The following MACO1 variants were observed in gnomAD, a reference collection of about 807,000 sequenced individuals.
The protein encoded by MACO1 is macoilin.
Under a neutral mutation model 78.7 loss-of-function variants are expected in MACO1, and 14 were observed. The ratio of observed to expected loss-of-function variants is 0.18; its 90% CI spans 0.12 to 0.28. The LOEUF is 0.28. MACO1 is among the 10% of genes least tolerant of loss of function. The probability of loss-of-function intolerance (pLI) is 1.00; values close to 1 mark genes in which losing one functional copy is unlikely to be tolerated. For missense variants in MACO1, 501 were observed against 799.0 expected (o/e 0.63, Z 4.50); for synonymous variants, 288 against 291.6 (o/e 0.99, Z 0.12).
chr1:25,450,005 C>T (rs755456885), intron 3 of MACO1, among the ~76,000 whole-genome samples: 10 of 152,088 alleles, frequency 6.6e-5, no homozygotes, highest in Admixed American at 2.0e-4. Context: ...GGTGACAGAG[C>T]GAGACTCCAT....
At position 25,481,178 on chromosome 1, in the gene MACO1, C is replaced by T. The variant is rs562424400; in HGVS notation, c.1155-2938C>T. On this transcript the variant is annotated intron_variant, in intron 6 of 10. Transcript: ENST00000374343. ...AACTACAAAATTCTCACAATCTAGC[C>T]TCTACAGATTTAATTTTTCTTTCAT... Among the ~76,000 whole-genome samples the T allele has an allele frequency of 6.1e-4, 93 of 151,982 alleles. 1 individual carries two copies. In the South Asian group the frequency reaches 0.018, roughly 29 times the overall value.
In MACO1 at chr1:25,485,507, A is replaced by G; in HGVS notation, c.1314-106A>G. ...CATTGACATTTTTGATTTGCTGTTC[A>G]AACCTCCTGTTTAATTGGCCTTAAG... On this transcript the variant is annotated intron_variant, in intron 7 of 10. Transcript: ENST00000374343. This position sits in a 1 kb window ranked among gnomAD's most constrained non-coding sequence, Gnocchi z 4.3. The G allele has an allele frequency of 8.3e-7, 1 of 1,205,294 alleles. No individual in the cohort carries two copies. Among genetic ancestry groups the G allele is most frequent in the Non-Finnish European group, 1.2e-6 (1 of 868,410 alleles). The allele number at this position is 1,205,294 out of a possible 1,614,324, so 74.7% of individuals were successfully genotyped here. A position where few individuals can be genotyped will look rare whatever the true frequency, so the allele number is the denominator to read the frequency against.
At chr1:25,462,942 C>T (rs2043184630) in intron 6 of MACO1, among the ~76,000 whole-genome samples, 1 of 152,192 alleles carries the variant, frequency 6.6e-6, no homozygotes, top group Non-Finnish European at 1.5e-5. Flanking sequence ...GGAACACAGC[C>T]ACTCTCATTC....
At chr1:25,468,871 C>T (rs1362316036) in intron 6 of MACO1, among the ~76,000 whole-genome samples, 2 of 152,182 alleles carry the variant, frequency 1.3e-5, no homozygotes, top group East Asian at 1.9e-4. Flanking sequence ...TTTTTGGAGA[C>T]GGAGTCTCAC....
intron 10 of MACO1, among the ~76,000 whole-genome samples, chr1:25,497,319 G>T (rs1390051685): frequency 6.6e-6 from 1 of 151,044 alleles, no homozygotes; most frequent in Non-Finnish European, 1.5e-5. Context: ...GGCAGAGGTT[G>T]CAGTGAGCCG....
At chr1:25,483,914 C>T (rs1025435829) in intron 6 of MACO1, among the ~76,000 whole-genome samples, 1 of 152,128 alleles carries the variant, frequency 6.6e-6, no homozygotes, top group Non-Finnish European at 1.5e-5. Context: ...AAGTTACACC[C>T]CAGTAGGAAG....
chr1:25,464,000 C>T (rs2043193769), intron 6 of MACO1, among the ~76,000 whole-genome samples: 1 of 150,178 alleles, frequency 6.7e-6, no homozygotes, highest in Non-Finnish European at 1.5e-5. Flanking sequence ...CCTCCATTGA[C>T]ACATCATTAT....
chr1:25,437,627 G>C (rs2042931267), intron 1 of MACO1, among the ~76,000 whole-genome samples: 1 of 152,156 alleles, frequency 6.6e-6, no homozygotes, highest in Non-Finnish European at 1.5e-5. Flanking sequence ...GTCTTGCTCA[G>C]ATGTAATAAG....
rs542088110 is a variant in MACO1, at chr1:25,436,138, A to C, written c.80+4960A>C. 2.6e-5 allele frequency among the ~76,000 whole-genome samples: 4 copies of C among 152,260 alleles called. No homozygotes were observed. In the South Asian group the frequency reaches 6.2e-4, roughly 24 times the overall value. ...TCACTAGATTTAGAGATTGATCTTA[A>C]TGGTAGGTTTAACAAATAATTATTT... is the stretch of plus-strand genomic sequence containing the variant. On this transcript the variant is annotated intron_variant, in intron 1 of 10. Transcript: ENST00000374343.
rs1056877353 is a variant in MACO1, at chr1:25,431,082, G to A, written c.-17G>A. ...GACGGCGGCGGCGGCGCGGGCACCC[G>A]GCCCCCCAGCGGGAGGATGAAGCGG... is the stretch of plus-strand genomic sequence containing the variant. On this transcript the variant is annotated 5_prime_UTR_variant, in exon 1 of 11. Transcript: ENST00000374343. 10 of 1,572,076 alleles carry A rather than the reference G, an allele frequency of 6.4e-6. No individual in the cohort carries two copies. The highest frequency in any genetic ancestry group is 7.7e-6 in the Non-Finnish European group (9 of 1,162,324).
chr1:25,469,733 T>G (rs2043250993), intron 6 of MACO1, among the ~76,000 whole-genome samples: 1 of 149,448 alleles, frequency 6.7e-6, no homozygotes, highest in South Asian at 2.1e-4. Flanking sequence ...GTCTTCTGGG[T>G]TCAAGTGATT....
At chr1:25,460,515 C>A (rs546065061) in intron 6 of MACO1, among the ~76,000 whole-genome samples, 2 of 152,150 alleles carry the variant, frequency 1.3e-5, no homozygotes, top group South Asian at 4.2e-4. Flanking sequence ...GGTTTTCCTC[C>A]CACCTCATCC....
At position 25,485,654 on chromosome 1, in the gene MACO1, A is replaced by T; in HGVS notation, c.1355A>T (p.Asn452Ile). ...CAAATGAAGCAAAAAGACAAGCAGA[A>T]TATCAGCCAGTTGGAGAAAAAGCTA... ...AVQMKQKDKQNISQLEKKLKA... is the reference protein window; with the variant it reads ...AVQMKQKDKQIISQLEKKLKA... The change falls in exon 8 of 11, where the codon AAT becomes ATT. Residue 452 changes from asparagine to isoleucine, a missense_variant. Transcript: ENST00000374343. This position sits in a 1 kb window ranked among gnomAD's most constrained non-coding sequence, Gnocchi z 4.3. 6.2e-7 allele frequency: 1 copy of T among 1,614,220 alleles called. No homozygotes were observed. Among genetic ancestry groups the T allele is most frequent in the South Asian group, 1.1e-5 (1 of 91,082 alleles).
At chr1:25,464,338 C>CTTTTTTTTTTTT (rs71014363) in intron 6 of MACO1, among the ~76,000 whole-genome samples, 6 of 80,974 alleles carry the variant, frequency 7.4e-5, no homozygotes, top group Admixed American at 3.5e-4. Context: ...TTTTTCTTCT[C>CTTTTTTTTTTTT]TTTTTTTTTT....
Position 25,430,957 on chromosome 1 carries a change from C to T in MACO1, c.-142C>T, listed in dbSNP as rs969976982. Reference sequence around the variant, plus strand: ...GAGCCCCCCCTCCCCGTGCTACCCCCTCCCCCCGGGTGCTGGCTCCATGTC... The same window carrying T: ...GAGCCCCCCCTCCCCGTGCTACCCCTTCCCCCCGGGTGCTGGCTCCATGTC... On this transcript the variant is annotated 5_prime_UTR_variant, in exon 1 of 11. Coordinates refer to ENST00000374343, the MANE Select transcript of MACO1 (RefSeq NM_018202.6). 3.3e-5 allele frequency: 16 copies of T among 486,634 alleles called. No individual in the cohort carries two copies. The highest frequency in any genetic ancestry group is 1.3e-4 in the Admixed American group (3 of 22,740). The allele number at this position is 486,634 out of a possible 1,614,324, so 30.1% of individuals were successfully genotyped here.
At chr1:25,456,427 G>A (rs2043121537) in intron 4 of MACO1, among the ~76,000 whole-genome samples, 1 of 152,192 alleles carries the variant, frequency 6.6e-6, no homozygotes, top group Admixed American at 6.5e-5. Context: ...TCGTCTTACG[G>A]TCTAGCAGTC....
intron 3 of MACO1, among the ~76,000 whole-genome samples, chr1:25,451,305 T>C: frequency 6.6e-6 from 1 of 152,156 alleles, no homozygotes; most frequent in Non-Finnish European, 1.5e-5. Flanking sequence ...AAGAATAATA[T>C]TGTAGCATAA....
Position 25,485,808 on chromosome 1 carries a change from C to A in MACO1, c.1496+13C>A, listed in dbSNP as rs769143494. On this transcript the variant is annotated intron_variant, in intron 8 of 10. Transcript: ENST00000374343. The surrounding 1 kb of genome is among the most constrained non-coding windows in gnomAD (Gnocchi z 4.3). ...CTGCTGCATCTAGGTATGTCCATGT[C>A]ACCTGAGTGTTTAATCCAAGGTTGG... 6.3e-7 allele frequency: 1 copy of A among 1,597,740 alleles called. No individual in the cohort carries two copies.
At chr1:25,451,761 C>T (rs1394442270) in intron 3 of MACO1, among the ~76,000 whole-genome samples, 1 of 151,764 alleles carries the variant, frequency 6.6e-6, no homozygotes, top group African/African-American at 2.4e-5. Flanking sequence ...CAAAAATTAG[C>T]CAGGCATGGT....
Sources: allele counts gnomAD v4.1 joint callset (sites outside exome capture counted in the v4.1 genomes callset), GRCh38; gene constraint gnomAD v4.1.1; non-coding constraint Gnocchi (gnomAD v3.1); transcripts MANE v1.5; gene names NCBI Gene and HGNC (gene_info 2026-07-23, HGNC 2026-07-21).